Variants in MROH9 observed in about 807,000 individuals in gnomAD.
The protein encoded by MROH9 is maestro heat-like repeat-containing protein family member 9.
MROH9 carries 92 observed loss-of-function variants against 98.2 expected under a neutral mutation model. The observed-to-expected ratio is 0.94, with a 90% CI of 0.79 to 1.11. The LOEUF (loss-of-function observed/expected upper bound fraction) is 1.11, where lower values mean the gene tolerates loss of function less well. Ranked by LOEUF, MROH9 falls within the 50% of genes most tolerant of loss-of-function variation. MROH9 has a pLI of 0.00. For synonymous variants in MROH9, 397 were observed against 368.9 expected (o/e 1.08, Z -0.87); for missense variants, 1,057 against 1,014.8 (o/e 1.04, Z -0.57).
chr1:170,993,364 T>C (rs1651433350), intron 12 of MROH9, among the ~76,000 whole-genome samples: 1 of 152,204 alleles, frequency 6.6e-6, no homozygotes, highest in South Asian at 2.1e-4. Flanking sequence ...TTCCAGCTGA[T>C]GAAATTCCAG....
intron 6 of MROH9, among the ~76,000 whole-genome samples, chr1:170,962,900 T>C (rs879206298): frequency 2.0e-5 from 3 of 152,076 alleles, no homozygotes; most frequent in Admixed American, 2.0e-4. Context: ...TGCAATACCA[T>C]TCTGGACATA....
chr1:170,976,383 T>G (rs2101791600), intron 8 of MROH9, among the ~76,000 whole-genome samples: 1 of 152,312 alleles, frequency 6.6e-6, no homozygotes, highest in Non-Finnish European at 1.5e-5. Context: ...AAAAAGGGTC[T>G]TATTTCTCCT....
Position 170,986,694 on chromosome 1 carries a change from C to A in MROH9, c.863C>A (p.Ala288Asp). 6.2e-7 allele frequency: 1 copy of A among 1,613,596 alleles called. No individual in the cohort carries two copies. The highest frequency in any genetic ancestry group is 1.1e-5 in the South Asian group (1 of 91,022). The change falls in exon 10 of 22, where the codon GCC becomes GAC. Residue 288 changes from alanine (A) to aspartate (D), a missense_variant. Physicochemically the swap from Ala to Asp is moderately radical, Grantham distance 126. Transcript: ENST00000367759. ...CTGATATTTACTCTGGAATTTCATG[C>A]CGAGAAGGTCACCATGGTAAGATAC... is the stretch of plus-strand genomic sequence containing the variant. ...SILIFTLEFH[A>D]EKVTMVSKIV...
At chr1:170,952,082 T>C (rs1426469008) in intron 3 of MROH9, among the ~76,000 whole-genome samples, 4 of 150,818 alleles carry the variant, frequency 2.7e-5, no homozygotes, top group Non-Finnish European at 5.9e-5. Flanking sequence ...ATGGCACTCA[T>C]TAAAAAGTCA....
chr1:171,025,211 C>T (rs1177787380), intron 19 of MROH9, 107 bp from the exon 20 acceptor site: 1 of 653,994 alleles, frequency 1.5e-6, no homozygotes, highest in East Asian at 2.7e-5. Flanking sequence ...AAAAGCATCC[C>T]CAATTTCTAA....
intron 1 of MROH9, among the ~76,000 whole-genome samples, chr1:170,939,711 T>A (rs1015349000): frequency 2.0e-5 from 3 of 152,162 alleles, no homozygotes; most frequent in Non-Finnish European, 4.4e-5. Context: ...TATGGCTTGG[T>A]GGGTTGGATA....
At chr1:170,994,427 G>A (rs1651477744) in intron 12 of MROH9, among the ~76,000 whole-genome samples, 1 of 152,090 alleles carries the variant, frequency 6.6e-6, no homozygotes, top group African/African-American at 2.4e-5. Flanking sequence ...TTTCTGTCAT[G>A]TGTTCATGTT....
chr1:171,024,327 T>TGC (rs1446631527), intron 17 of MROH9, 68 bp from the exon 18 acceptor site: 1 of 1,052,780 alleles, frequency 9.5e-7, no homozygotes, highest in Non-Finnish European at 1.4e-6. Context: ...TGTGTGTGTG[T>TGC]GTGTAGATTA....
At chr1:171,024,589 T>C in intron 18 of MROH9, 42 bp downstream of exon 18, 2 of 1,529,490 alleles carry the variant, frequency 1.3e-6, no homozygotes, top group Non-Finnish European at 1.8e-6. Context: ...TACCAAGGAT[T>C]GTAATGTTTT....
chr1:171,033,574 C>T (rs1249035511), intron 20 of MROH9, among the ~76,000 whole-genome samples: 1 of 152,236 alleles, frequency 6.6e-6, no homozygotes, highest in Non-Finnish European at 1.5e-5. Context: ...CTCTGTGGGT[C>T]ACGCCAGCCT....
intron 15 of MROH9, among the ~76,000 whole-genome samples, chr1:171,010,414 T>C (rs565162697): frequency 2.0e-5 from 3 of 152,342 alleles, no homozygotes; most frequent in Non-Finnish European, 4.4e-5. Flanking sequence ...CATGTGTCTT[T>C]AGAGTAGAAT....
At chr1:170,995,316 C>A in intron 12 of MROH9, 73 bp from the exon 13 acceptor site, 3 of 1,538,454 alleles carry the variant, frequency 2.0e-6, no homozygotes, top group Non-Finnish European at 1.8e-6. Flanking sequence ...CACTCTCTTG[C>A]TCCCCTCAGT....
rs181037418 is a variant in MROH9 at position 170,980,539 on chromosome 1, A to C, written c.617-2883A>C. On this transcript the variant is annotated intron_variant, in intron 8 of 21. Transcript: ENST00000367759. ...TGGGGAAAGAATTCTCTGTTTAATAAATGGTGCTGGAAAAACTGTCTAGCC... is the reference window on the plus strand; with the variant it reads ...TGGGGAAAGAATTCTCTGTTTAATACATGGTGCTGGAAAAACTGTCTAGCC... Among the ~76,000 whole-genome samples the C allele has an allele frequency of 1.9e-3, 288 of 152,328 alleles. 1 individual carries two copies. Among genetic ancestry groups the C allele is most frequent in the African/African-American group, 6.6e-3 (274 of 41,582 alleles).
At chr1:171,021,457 A>G (rs148703400) in intron 17 of MROH9, among the ~76,000 whole-genome samples, 2 of 152,038 alleles carry the variant, frequency 1.3e-5, no homozygotes, top group Non-Finnish European at 2.9e-5. Context: ...ATAACACCAC[A>G]CTTCTACAAT....
chr1:171,022,044 G>A (rs1330949288), intron 17 of MROH9, among the ~76,000 whole-genome samples: 3 of 152,114 alleles, frequency 2.0e-5, no homozygotes, highest in African/African-American at 4.8e-5. Context: ...AAACCACAAT[G>A]AGATACCATC....
intron 17 of MROH9, among the ~76,000 whole-genome samples, chr1:171,020,046 C>G (rs1332096438): frequency 6.6e-6 from 1 of 152,146 alleles, no homozygotes; most frequent in African/African-American, 2.4e-5. Context: ...GACGCATACA[C>G]CCTCCCAAGA....
intron 20 of MROH9, among the ~76,000 whole-genome samples, chr1:171,033,654 TTTTG>T (rs939355212): frequency 5.9e-5 from 9 of 152,214 alleles, no homozygotes; most frequent in South Asian, 2.1e-4. Context: ...CTTATTATGT[TTTTG>T]TTTGTTTGTT....
intron 20 of MROH9, among the ~76,000 whole-genome samples, chr1:171,058,346 CAAAAAA>C (rs34725160): frequency 1.5e-5 from 1 of 67,148 alleles, no homozygotes. Flanking sequence ...AGAGAGGATG[CAAAAAA>C]AAAAAAAAAG....
chr1:171,016,909 A>T (rs923035440), intron 17 of MROH9, among the ~76,000 whole-genome samples: 1 of 152,200 alleles, frequency 6.6e-6, no homozygotes. Context: ...AAACTTTGGT[A>T]TGCCATGGGG....
Sources: allele counts gnomAD v4.1 joint callset (sites outside exome capture counted in the v4.1 genomes callset), GRCh38; gene constraint gnomAD v4.1.1; transcripts MANE v1.5; gene names NCBI Gene and HGNC (gene_info 2026-07-23, HGNC 2026-07-21).